The following CCT8 variants were observed in gnomAD, a reference collection of about 807,000 sequenced individuals.
CCT8 encodes chaperonin containing TCP1 subunit 8, also known as T-complex protein 1 subunit theta.
CCT8 carries 10 observed loss-of-function variants against 65.7 expected under a neutral mutation model. The ratio of observed to expected loss-of-function variants is 0.15; its 90% CI spans 0.09 to 0.26. CCT8 has a LOEUF of 0.26. Ranked by LOEUF, CCT8 falls within the 10% of genes least tolerant of loss-of-function variation. The pLI is 1.00. For synonymous variants in CCT8, 199 were observed against 221.8 expected, an observed-to-expected ratio of 0.90 and a Z score of 0.92; for missense variants, 568 against 669.1, an observed-to-expected ratio of 0.85 and a Z score of 1.67.
chr21:29,073,324 C>G, intron 1 of CCT8: 1 of 1,415,076 alleles, frequency 7.1e-7, no homozygotes, highest in Non-Finnish European at 9.2e-7. Context: ...ATCCCTCGGC[C>G]TTCTCCCGGT....
At position 29,060,430 on chromosome 21, in the gene CCT8, G is replaced by C. The variant is rs952794675; in HGVS notation, c.1569+111C>G. The C allele has an allele frequency of 5.4e-6, 6 of 1,109,230 alleles. No individual in the cohort carries two copies. The African/African-American group carries it at 9.5e-5, about 18-fold the overall frequency. 68.7% of individuals were successfully genotyped at this position (1,109,230 alleles called of 1,614,324 possible). ...GCACATAGTATCTCTAATAGGTGAG[G>C]ACTAAGAATCCTTTGAATTAGAACT... On this transcript the variant is annotated intron_variant, in intron 14 of 14. Coordinates refer to ENST00000286788, the MANE Select transcript of CCT8 (RefSeq NM_006585.4).
At chr21:29,056,864 G>A (rs897666125) in intron 14 of CCT8, among the ~76,000 whole-genome samples, 1 of 152,172 alleles carries the variant, frequency 6.6e-6, no homozygotes, top group African/African-American at 2.4e-5. Flanking sequence ...CATCACTGGT[G>A]TAAGTCGGTC....
In CCT8 at chr21:29,061,555, C is replaced by T. The variant is rs8129954; in HGVS notation, c.1225G>A (p.Val409Ile). The T allele has an allele frequency of 4.0e-3, 6,391 of 1,613,258 alleles. 207 individuals are homozygous for T. In the African/African-American group the frequency reaches 0.073, roughly 18 times the overall value. Residue 409 changes from valine (V) to isoleucine (I), a missense_variant, in exon 12 of 15, where the codon GTA becomes ATA. Physicochemically the swap from Val to Ile is conservative, Grantham distance 29. Transcript: ENST00000286788. ...ATTTCTGTTGCTCCACCTCCGGGTA[C>T]AAGACGTTTATCCTGTATGTAGCGC... is the stretch of plus-strand genomic sequence containing the variant. ...FKVLTRDKRL[V>I]PGGGATEIEL...
intron 14 of CCT8, 32 bp downstream of exon 14, chr21:29,060,509 A>AT (rs1189354690): frequency 6.2e-7 from 1 of 1,608,136 alleles, no homozygotes; most frequent in African/African-American, 1.3e-5. Flanking sequence ...GCAAATGAGT[A>AT]TTTTTAAAGA....
rs563945345 is a variant in CCT8 at position 29,064,985 on chromosome 21, T to C, written c.745A>G (p.Met249Val). 116 of 1,613,914 alleles carry C rather than the reference T, an allele frequency of 7.2e-5. 2 individuals carry two copies. The South Asian group carries it at 1.2e-3, about 17-fold the overall frequency. The change falls in exon 7 of 15, where the codon ATG (methionine) becomes GTG (valine). Residue 249 changes from methionine to valine, a missense_variant. Physicochemically the swap from Met to Val is conservative, Grantham distance 21 (BLOSUM62 1). Transcript: ENST00000286788. ...CTACATACCTTAGTTTCTGTTATCA[T>C]GCCATCAAAAGGACAAGAGTACACT... Reference protein sequence around the residue: ...IAVYSCPFDGMITETKGTVLI... With the variant: ...IAVYSCPFDGVITETKGTVLI...
At chr21:29,056,905 G>T (rs1431464945) in intron 14 of CCT8, among the ~76,000 whole-genome samples, 1 of 152,120 alleles carries the variant, frequency 6.6e-6, no homozygotes, top group Non-Finnish European at 1.5e-5. Flanking sequence ...ATTTATATAT[G>T]AGATGTGTCT....
intron 1 of CCT8, among the ~76,000 whole-genome samples, chr21:29,072,790 T>C (rs2085696453): frequency 6.6e-6 from 1 of 152,264 alleles, no homozygotes; most frequent in South Asian, 2.1e-4. Context: ...TTTAAAACTA[T>C]GCTACCGAAC....
intron 14 of CCT8, 60 bp downstream of exon 14, chr21:29,060,481 T>TG: frequency 6.5e-7 from 1 of 1,536,536 alleles, no homozygotes; most frequent in Non-Finnish European, 9.0e-7. Context: ...TCTGGGAAAA[T>TG]ATACTATTAA....
intron 14 of CCT8, among the ~76,000 whole-genome samples, chr21:29,060,295 T>C (rs2832158): frequency 0.2 from 30,270 of 151,978 alleles, 3,428 homozygotes; most frequent in Non-Finnish European, 0.25. Context: ...GTTAGTATTA[T>C]ATATTAAATT....
chr21:29,071,824 C>G, intron 1 of CCT8: 1 of 626,278 alleles, frequency 1.6e-6, no homozygotes, highest in Non-Finnish European at 2.9e-6. Flanking sequence ...TTGATCAGAT[C>G]CCCTCATTCC....
chr21:29,059,497 C>T (rs557384978), intron 14 of CCT8: 36 of 152,332 alleles, frequency 2.4e-4, no homozygotes, highest in African/African-American at 8.4e-4. Flanking sequence ...GTTGGAATTT[C>T]TGCGTTCCTT....
At chr21:29,057,717 TCATA>T (rs929358001) in intron 14 of CCT8, among the ~76,000 whole-genome samples, 13 of 84,802 alleles carry the variant, frequency 1.5e-4, no homozygotes, top group Non-Finnish European at 2.9e-4. Context: ...ATAATATATA[TCATA>T]CATATATGTA....
intron 4 of CCT8, 33 bp downstream of exon 4, chr21:29,067,523 T>C: frequency 2.1e-6 from 3 of 1,425,918 alleles, no homozygotes; most frequent in South Asian, 3.5e-5. Context: ...TAAGCAAAAA[T>C]TTAGTAGGAG....
At chr21:29,065,245 G>A (rs1182988469) in intron 6 of CCT8, 140 bp from the exon 7 acceptor site, 2 of 802,936 alleles carry the variant, frequency 2.5e-6, no homozygotes, top group East Asian at 5.2e-5. Flanking sequence ...GATAAGGGGT[G>A]GAGTGGTGGA....
intron 1 of CCT8, chr21:29,072,074 T>A: frequency 1.5e-6 from 1 of 648,010 alleles, no homozygotes; most frequent in Admixed American, 2.5e-5. Context: ...TCCCTGAGCC[T>A]GGCATTTCCC....
intron 1 of CCT8, among the ~76,000 whole-genome samples, chr21:29,071,404 G>C (rs1480608772): frequency 6.6e-6 from 1 of 151,830 alleles, no homozygotes; most frequent in Non-Finnish European, 1.5e-5. Context: ...TTTTGAGAGA[G>C]AGAGAGTCTC....
At chr21:29,060,408 C>G (rs921298833) in intron 14 of CCT8, 133 bp downstream of exon 14, 2 of 822,866 alleles carry the variant, frequency 2.4e-6, no homozygotes, top group Non-Finnish European at 3.7e-6. Context: ...GAGGGGGGCA[C>G]ATAGTATCTC....
In CCT8 at chr21:29,065,093, T is replaced by G; in HGVS notation, c.637A>C (p.Ser213Arg). Residue 213 changes from serine to arginine, a missense_variant, in exon 7 of 15, where the codon AGT (serine) becomes CGT (arginine). Coordinates refer to ENST00000286788, the MANE Select transcript of CCT8 (RefSeq NM_006585.4). ...ATGCCATGCAATACTGAAGAGGAACTGATACCAGAGCCCTAAGGAATTGAA... is the reference window on the plus strand; with the variant it reads ...ATGCCATGCAATACTGAAGAGGAACGGATACCAGAGCCCTAAGGAATTGAA... ...RVCKILGSGISSSSVLHGMVF... is the reference protein window; with the variant it reads ...RVCKILGSGIRSSSVLHGMVF... 1 of 1,613,982 alleles carries G rather than the reference T, an allele frequency of 6.2e-7. No individual in the cohort carries two copies.
chr21:29,072,846 CT>C (rs1442243257), intron 1 of CCT8, among the ~76,000 whole-genome samples: 1 of 152,226 alleles, frequency 6.6e-6, no homozygotes. Flanking sequence ...ATCTGCACCC[CT>C]CTATCACTTA....
Sources: allele counts gnomAD v4.1 joint callset (sites outside exome capture counted in the v4.1 genomes callset), GRCh38; gene constraint gnomAD v4.1.1; transcripts MANE v1.5; gene names NCBI Gene and HGNC (gene_info 2026-07-23, HGNC 2026-07-21).